The following TUB variants were observed in gnomAD, a reference collection of about 807,000 sequenced individuals.
TUB encodes the protein TUB bipartite transcription factor, also known as tubby protein homolog.
TUB carries 33 observed loss-of-function variants against 59.7 expected under a neutral mutation model. The ratio of observed to expected loss-of-function variants is 0.55; its 90% confidence interval spans 0.42 to 0.74. The LOEUF is 0.74. TUB is among the 30% of genes least tolerant of loss of function. The probability of loss-of-function intolerance (pLI) is 0.00; values close to 1 mark genes in which losing one functional copy is unlikely to be tolerated. For missense variants in TUB, 659 were observed against 672.0 expected, an observed-to-expected ratio of 0.98 and a Z score of 0.21; for synonymous variants, 293 against 256.4, an observed-to-expected ratio of 1.14 and a Z score of -1.36.
At chr11:8,041,092 C>G (rs956498377) in intron 2 of TUB, among the ~76,000 whole-genome samples, 6 of 152,182 alleles carry the variant, frequency 3.9e-5, no homozygotes, top group Non-Finnish European at 5.9e-5. Flanking sequence ...TGGCCATGAC[C>G]TTGCCTTATG....
upstream of TUB, among the ~76,000 whole-genome samples, chr11:8,037,098 T>C (rs1942657340): frequency 6.6e-6 from 1 of 152,156 alleles, no homozygotes; most frequent in African/African-American, 2.4e-5. Flanking sequence ...TTCTGGGAGA[T>C]GGAGGATGAG....
chr11:8,021,923 A>G (rs1202522586), intron 1 of TUB, among the ~76,000 whole-genome samples: 1 of 152,054 alleles, frequency 6.6e-6, no homozygotes, highest in Non-Finnish European at 1.5e-5. Context: ...CTCAAAAAAA[A>G]AAAAAAAAAG....
At chr11:8,050,342 C>T (rs946825152) in intron 2 of TUB, among the ~76,000 whole-genome samples, 3 of 152,178 alleles carry the variant, frequency 2.0e-5, no homozygotes, top group Admixed American at 6.5e-5. Context: ...CCATGAGGTG[C>T]GTACCTAGGA....
At chr11:8,026,517 A>G (rs1248587499) in intron 1 of TUB, among the ~76,000 whole-genome samples, 1 of 150,824 alleles carries the variant, frequency 6.6e-6, no homozygotes, top group Admixed American at 6.6e-5. Flanking sequence ...GCATTCATTG[A>G]AAAAAACCTT....
chr11:8,029,204 C>T (rs1942537687), intron 1 of TUB, among the ~76,000 whole-genome samples: 1 of 152,098 alleles, frequency 6.6e-6, no homozygotes, highest in Admixed American at 6.6e-5. Context: ...ACAAAGCATG[C>T]AGTTGCTGGT....
Position 8,101,562 on chromosome 11 carries a change from A to T in TUB, c.1464A>T (p.Ala488=). 1 of 1,614,240 alleles carries T rather than the reference A, an allele frequency of 6.2e-7. No individual in the cohort carries two copies. Among genetic ancestry groups the T allele is most frequent in the Non-Finnish European group, 8.5e-7 (1 of 1,180,040 alleles). ...TGGATTACAACTACCCGCTGTGTGC[A>T]CTGCAGGCCTTTGCCATTGCCCTGT... ...FTMDYNYPLC[A]LQAFAIALSS... Residue 488 remains alanine, a synonymous_variant, in exon 12 of 12, where the codon GCA becomes GCT. Transcript: ENST00000299506.
rs139078128 is a variant in TUB at position 8,096,217 on chromosome 11, G to A, written c.566-468G>A. Among the ~76,000 whole-genome samples the A allele has an allele frequency of 8.5e-4, 129 of 152,332 alleles. 1 individual carries two copies. The highest frequency in any genetic ancestry group is 3.0e-3 in the African/African-American group (124 of 41,576). ...CAGGGCAAAGATGAGGAGTCAGTGG[G>A]TCCCCTCCACATTGGGCTGAGGAAG... On this transcript the variant is annotated intron_variant, in intron 5 of 11. Coordinates refer to ENST00000299506, the MANE Select transcript of TUB (RefSeq NM_177972.3).
At chr11:8,086,835 T>A (rs1471686138) in intron 1 of TUB, among the ~76,000 whole-genome samples, 5 of 152,168 alleles carry the variant, frequency 3.3e-5, no homozygotes, top group African/African-American at 1.2e-4. Flanking sequence ...ACTTTGGGGA[T>A]GTCTGAGGTT....
At chr11:8,049,578 T>TATATATATATATAG (rs1055522231) in intron 2 of TUB, among the ~76,000 whole-genome samples, 908 of 85,876 alleles carry the variant, frequency 0.011, 11 homozygotes, top group Admixed American at 0.02. Flanking sequence ...TATATATATA[T>TATATATATATATAG]ATAGATAGAT....
At chr11:8,043,302 A>G (rs1191815467) in intron 2 of TUB, among the ~76,000 whole-genome samples, 1 of 152,160 alleles carries the variant, frequency 6.6e-6, no homozygotes, top group Non-Finnish European at 1.5e-5. Context: ...CTATCTTTAT[A>G]CCAGTACCAC....
At chr11:8,067,013 T>C (rs1943255972) in intron 2 of TUB, among the ~76,000 whole-genome samples, 1 of 152,184 alleles carries the variant, frequency 6.6e-6, no homozygotes, top group Non-Finnish European at 1.5e-5. Context: ...AGTAAGTTTC[T>C]GACCTCCATC....
At position 8,052,810 on chromosome 11, in the gene TUB, C is replaced by T. The variant is rs116535074; in HGVS notation, c.203+13118C>T. ...AATTATATTTTTAAATTGGATGTTTCTGATATGTAGAAAAGCCATTTATTT... is the reference window on the plus strand; with the variant it reads ...AATTATATTTTTAAATTGGATGTTTTTGATATGTAGAAAAGCCATTTATTT... On this transcript the variant is annotated intron_variant, in intron 2 of 12. Coordinates refer to the TUB transcript ENST00000305253. 7.9e-3 allele frequency among the ~76,000 whole-genome samples: 1,200 copies of T among 152,152 alleles called. 15 individuals carry two copies. Among genetic ancestry groups the T allele is most frequent in the African/African-American group, 0.027 (1,120 of 41,510 alleles).
Position 8,098,767 on chromosome 11 carries a change from G to A in TUB, c.1008G>A (p.Leu336=), listed in dbSNP as rs759600983. 54 of 1,613,736 alleles carry A rather than the reference G, an allele frequency of 3.3e-5. No homozygotes were observed. The highest frequency in any genetic ancestry group is 4.2e-5 in the Non-Finnish European group (50 of 1,179,880). The change falls in exon 9 of 12, where the codon TTG becomes TTA. Residue 336 remains leucine (L), a synonymous_variant. Coordinates refer to ENST00000299506, the MANE Select transcript of TUB (RefSeq NM_177972.3). The part of the protein sequence containing the change: ...DSYIGKLRSN[L]MGTKFTVYDN... Reference sequence around the variant, plus strand: ...TGTGCCTTTATTTCAGGTCCAACTTGATGGGCACCAAGTTCACTGTTTATG... The same window carrying A: ...TGTGCCTTTATTTCAGGTCCAACTTAATGGGCACCAAGTTCACTGTTTATG...
At chr11:8,087,483 T>G (rs1031373732) in intron 1 of TUB, among the ~76,000 whole-genome samples, 1 of 152,226 alleles carries the variant, frequency 6.6e-6, no homozygotes, top group African/African-American at 2.4e-5. Context: ...GCCAGGCCAC[T>G]GGCTTATGAC....
At chr11:8,026,571 G>A (rs2133702273) in intron 1 of TUB, among the ~76,000 whole-genome samples, 1 of 151,134 alleles carries the variant, frequency 6.6e-6, no homozygotes, top group East Asian at 1.9e-4. Flanking sequence ...TGGAAAATCA[G>A]TTGATTATTG....
intron 2 of TUB, among the ~76,000 whole-genome samples, chr11:8,071,408 C>A (rs1472186955): frequency 6.6e-6 from 1 of 152,094 alleles, no homozygotes; most frequent in East Asian, 1.9e-4. Flanking sequence ...AATCCAACCC[C>A]CTCATCTTAT....
intron 2 of TUB, among the ~76,000 whole-genome samples, chr11:8,056,207 G>T (rs1486771224): frequency 6.6e-6 from 1 of 152,164 alleles, no homozygotes; most frequent in African/African-American, 2.4e-5. Flanking sequence ...TCACCACGAG[G>T]AAGTGCACCC....
chr11:8,042,730 T>C (rs924050881), intron 2 of TUB, among the ~76,000 whole-genome samples: 15 of 152,240 alleles, frequency 9.9e-5, no homozygotes, highest in African/African-American at 3.6e-4. Context: ...ATGGACCATT[T>C]GTATATCTTC....
At chr11:8,022,783 G>A (rs1200127549) in intron 1 of TUB, among the ~76,000 whole-genome samples, 4 of 152,134 alleles carry the variant, frequency 2.6e-5, no homozygotes, top group East Asian at 1.9e-4. Flanking sequence ...CTAGCTACTC[G>A]GGAGGCTGAG....
Sources: allele counts gnomAD v4.1 joint callset (sites outside exome capture counted in the v4.1 genomes callset), GRCh38; gene constraint gnomAD v4.1.1; transcripts MANE v1.5; gene names NCBI Gene and HGNC (gene_info 2026-07-23, HGNC 2026-07-21).